The following MPDU1 variants were observed in gnomAD, a reference collection of about 807,000 sequenced individuals.
MPDU1 encodes the protein mannose-P-dolichol utilization defect 1 protein.
MPDU1 carries 18 observed loss-of-function variants against 27.6 expected under a neutral mutation model. That is an observed-to-expected ratio of 0.65 (90% CI 0.45 to 0.97). The LOEUF (loss-of-function observed/expected upper bound fraction) is 0.97, where lower values mean the gene tolerates loss of function less well. Among genes scored for constraint, MPDU1 ranks in the 50% least tolerant of loss-of-function variants. The pLI is 0.00. For synonymous variants in MPDU1, 142 were observed against 131.1 expected (o/e 1.08, Z -0.57); for missense variants, 279 against 297.4 (o/e 0.94, Z 0.46).
At chr17:7,585,843 T>C in intron 2 of MPDU1, 46 bp downstream of exon 2, 2 of 1,612,230 alleles carry the variant, frequency 1.2e-6, no homozygotes, top group Non-Finnish European at 1.7e-6. Flanking sequence ...GGGGTGGAGG[T>C]GCTGAGAGGC....
intron 1 of MPDU1, chr17:7,584,177 T>C: frequency 1.6e-6 from 1 of 622,050 alleles, no homozygotes; most frequent in Non-Finnish European, 2.9e-6. Flanking sequence ...GAATTACTTC[T>C]TTGTGGAGTT....
intron 1 of MPDU1, among the ~76,000 whole-genome samples, 195 bp from the exon 2 acceptor site, chr17:7,585,537 C>CAA (rs35027440): frequency 5.5e-5 from 2 of 36,382 alleles, no homozygotes; most frequent in Admixed American, 2.4e-4. Flanking sequence ...ACTCTGTCTC[C>CAA]AAAAAAAAAA....
chr17:7,584,988 C>T (rs993451007), intron 1 of MPDU1, among the ~76,000 whole-genome samples: 3 of 151,636 alleles, frequency 2.0e-5, no homozygotes, highest in South Asian at 4.2e-4. Flanking sequence ...AGTGAAACTC[C>T]GTCTCAAAAT....
intron 3 of MPDU1, 126 bp from the exon 4 acceptor site, chr17:7,586,566 C>T (rs1022759449): frequency 1.2e-6 from 1 of 840,092 alleles, no homozygotes; most frequent in Non-Finnish European, 2.0e-6. Flanking sequence ...CAGAATGAGC[C>T]AGTCCCGTGT....
rs769147210 is a variant in MPDU1 at position 7,587,527 on chromosome 17, C to A, written c.720C>A (p.Pro240=). The change falls in exon 7 of 7, where the codon CCC becomes CCA. Residue 240 remains proline (P), a synonymous_variant. Transcript: ENST00000250124. ...TCTTCTACTGGAATGCAAAGCCTCC[C>A]CACAAGCAGAAAAAGGCGCAGTAGA... ...QLLFYWNAKP[P]HKQKKAQ 2 of 1,613,544 alleles carry A rather than the reference C, an allele frequency of 1.2e-6. No individual in the cohort carries two copies. The highest frequency in any genetic ancestry group is 2.2e-5 in the South Asian group (2 of 91,038).
In MPDU1 at chr17:7,586,994, G is replaced by A. The variant is rs1054877161; in HGVS notation, c.484G>A (p.Val162Met). Residue 162 changes from valine to methionine, a missense_variant, in exon 5 of 7, where the codon GTG becomes ATG. Val to Met is a conservative substitution (Grantham distance 21). Transcript: ENST00000250124. ...TVVTLLQASNVPAVVVGRLLQ... is the reference protein window; with the variant it reads ...TVVTLLQASNMPAVVVGRLLQ... ...AGTCACCCTGCTCCAGGCCTCCAAT[G>A]TGCCTGCTGTGGTGGTGGGGAGGGT... 2 of 1,612,796 alleles carry A rather than the reference G, an allele frequency of 1.2e-6. No individual in the cohort carries two copies. Among genetic ancestry groups the A allele is most frequent in the Non-Finnish European group, 8.5e-7 (1 of 1,179,756 alleles).
At chr17:7,586,221 G>A (rs1375855980) in intron 3 of MPDU1, 143 bp downstream of exon 3, 5 of 990,112 alleles carry the variant, frequency 5.0e-6, no homozygotes, top group Non-Finnish European at 7.7e-6. Context: ...CGAGGCGGGT[G>A]GATCACCTGA....
chr17:7,587,929 C>T lies in MPDU1; in HGVS notation c.*378C>T, dbSNP rs1293730940. ...CTGCTTCCCTTCTGGCCCTGGAAGA[C>T]TGAGTCTGGACGGCAGAGTGGAGGG... is the stretch of plus-strand genomic sequence containing the variant. On this transcript the variant is annotated 3_prime_UTR_variant, in exon 7 of 7. Transcript: ENST00000250124. 2.1e-6 allele frequency: 1 copy of T among 482,478 alleles called. No homozygotes were observed. The highest frequency in any genetic ancestry group is 4.1e-6 in the Non-Finnish European group (1 of 246,200). The allele number at this position is 482,478 out of a possible 1,614,324, so 29.9% of individuals were successfully genotyped here.
In MPDU1 at chr17:7,586,721, T is replaced by C. The variant is rs765056440; in HGVS notation, c.332T>C (p.Leu111Pro). The C allele has an allele frequency of 1.2e-6, 2 of 1,614,054 alleles. No homozygotes were observed. The highest frequency in any genetic ancestry group is 1.7e-5 in the Admixed American group (1 of 60,014). The part of the protein sequence containing the change: ...SSWGEALFLM[L>P]QTITICFLVM... Reference sequence around the variant, plus strand: ...TGGGGTGAAGCCTTATTCCTGATGCTCCAGACGATCACCATCTGCTTCCTG... The same window carrying C: ...TGGGGTGAAGCCTTATTCCTGATGCCCCAGACGATCACCATCTGCTTCCTG... The change falls in exon 4 of 7, where the codon CTC becomes CCC. Residue 111 changes from leucine (L) to proline (P), a missense_variant. By Grantham distance (98) the Leu-to-Pro change is moderately conservative. Coordinates refer to ENST00000250124, the MANE Select transcript of MPDU1 (RefSeq NM_004870.4).
intron 1 of MPDU1, among the ~76,000 whole-genome samples, chr17:7,584,887 G>A (rs2071555351): frequency 6.6e-6 from 1 of 152,192 alleles, no homozygotes. Flanking sequence ...CAGCTACTCG[G>A]GAGGCTGAGG....
chr17:7,585,834 G>C (rs772222447), intron 2 of MPDU1, 37 bp downstream of exon 2: 1 of 1,613,188 alleles, frequency 6.2e-7, no homozygotes, highest in Non-Finnish European at 8.5e-7. Context: ...TGTTGGGTTG[G>C]GGTGGAGGTG....
intron 1 of MPDU1, 137 bp from the exon 2 acceptor site, chr17:7,585,595 C>A: frequency 1.3e-6 from 1 of 778,364 alleles, no homozygotes; most frequent in Non-Finnish European, 2.2e-6. Context: ...TTCTCACTGC[C>A]CTCCGCCTCT....
chr17:7,584,950 GCCA>G (rs2071556429), intron 1 of MPDU1, among the ~76,000 whole-genome samples: 1 of 152,124 alleles, frequency 6.6e-6, no homozygotes, highest in Admixed American at 6.5e-5. Flanking sequence ...CCAAGATCGT[GCCA>G]TTGCACTCCA....
chr17:7,587,749 G>A lies in MPDU1; in HGVS notation c.*198G>A. 2.4e-6 allele frequency: 2 copies of A among 825,290 alleles called. No homozygotes were observed. Among genetic ancestry groups the A allele is most frequent in the Non-Finnish European group, 4.0e-6 (2 of 505,916 alleles). The allele number at this position is 825,290 out of a possible 1,614,324, so 51.1% of individuals were successfully genotyped here. On this transcript the variant is annotated 3_prime_UTR_variant, in exon 7 of 7. Transcript: ENST00000250124. ...TAGAAAAGGAGAGGATGGGGGTAGA[G>A]TCTCCCAAGCCAAAATTTTGACATT...
At position 7,588,118 on chromosome 17, in the gene MPDU1, T is replaced by A. The variant is rs1024222099; in HGVS notation, c.*567T>A. On this transcript the variant is annotated 3_prime_UTR_variant, in exon 7 of 7. Coordinates refer to ENST00000250124, the MANE Select transcript of MPDU1 (RefSeq NM_004870.4). The stretch of plus-strand genomic sequence containing the variant: ...AGGTCTAGGCGGAAGGGAGTGGAGA[T>A]GGGGCTGGTTCCTGCTGCAGTGAGG... The A allele has an allele frequency of 4.8e-6, 3 of 622,448 alleles. No individual in the cohort carries two copies. The African/African-American group carries it at 5.4e-5, about 11-fold the overall frequency. The allele number at this position is 622,448 out of a possible 1,614,324, so 38.6% of individuals were successfully genotyped here. A position where few individuals can be genotyped will look rare whatever the true frequency, so the allele number is the denominator to read the frequency against.
At chr17:7,587,053 G>T (rs371573393) in intron 5 of MPDU1, 36 bp downstream of exon 5, 12 of 1,577,234 alleles carry the variant, frequency 7.6e-6, no homozygotes, top group Non-Finnish European at 9.6e-6. Flanking sequence ...ATGTTGTGGG[G>T]GCAGGGTGGG....
Position 7,588,107 on chromosome 17 carries a change from G to T in MPDU1, c.*556G>T, listed in dbSNP as rs553603161. On this transcript the variant is annotated 3_prime_UTR_variant, in exon 7 of 7. Transcript: ENST00000250124. ...CCTGCTCTGGCAGGTCTAGGCGGAA[G>T]GGAGTGGAGATGGGGCTGGTTCCTG... 4.9e-6 allele frequency: 3 copies of T among 613,312 alleles called. No homozygotes were observed. Among genetic ancestry groups the T allele is most frequent in the African/African-American group, 3.6e-5 (2 of 55,282 alleles). 38.0% of individuals were successfully genotyped at this position (613,312 alleles called of 1,614,324 possible).
intron 3 of MPDU1, 56 bp from the exon 4 acceptor site, chr17:7,586,636 C>T: frequency 6.7e-7 from 1 of 1,499,746 alleles, no homozygotes; most frequent in Non-Finnish European, 9.3e-7. Context: ...GCTATGGAGG[C>T]TTTCCCTGCC....
intron 1 of MPDU1, chr17:7,584,169 A>G: frequency 1.6e-6 from 1 of 633,444 alleles, no homozygotes; most frequent in South Asian, 1.7e-5. Flanking sequence ...ACCGGGTGGA[A>G]TTACTTCTTT....
Sources: allele counts gnomAD v4.1 joint callset (sites outside exome capture counted in the v4.1 genomes callset), GRCh38; gene constraint gnomAD v4.1.1; transcripts MANE v1.5; gene names NCBI Gene and HGNC (gene_info 2026-07-23, HGNC 2026-07-21).